F13A1: variants seen among roughly 807,000 people sequenced by gnomAD.
F13A1 encodes coagulation factor XIII A chain.
In F13A1, 47 loss-of-function variants were observed where a neutral mutation model predicts 80.1. The ratio of observed to expected loss-of-function variants is 0.59; its 90% CI spans 0.46 to 0.75. The LOEUF (loss-of-function observed/expected upper bound fraction) is 0.75, where lower values mean the gene tolerates loss of function less well. Among genes scored for constraint, F13A1 ranks in the 30% least tolerant of loss-of-function variants. The pLI, the probability that F13A1 is intolerant of heterozygous loss-of-function variation, is 0.00. For missense variants in F13A1, 817 were observed against 930.4 expected, an observed-to-expected ratio of 0.88 and a Z score of 1.59; for synonymous variants, 349 against 344.9, an observed-to-expected ratio of 1.01 and a Z score of -0.13.
intron 10 of F13A1, among the ~76,000 whole-genome samples, chr6:6,185,683 T>C (rs373915539): frequency 2.4e-4 from 36 of 152,132 alleles, no homozygotes; most frequent in South Asian, 1.2e-3. Context: ...AATAAACATA[T>C]GTGTGCATGT....
rs9392756 is a variant in F13A1, at chr6:6,201,548, C to T, written c.1113-4222G>A. Among the ~76,000 whole-genome samples, 5 of 152,318 alleles carry T rather than the reference C, an allele frequency of 3.3e-5. No individual in the cohort carries two copies. In the East Asian group the frequency reaches 7.7e-4, roughly 23 times the overall value. On this transcript the variant is annotated intron_variant, in intron 8 of 14. Transcript: ENST00000264870. ...CTTTCACCATGCAATCCTCTCTACT[C>T]AGGAATGACTAGGGGAATTGTGTCC... is the stretch of plus-strand genomic sequence containing the variant.
At chr6:6,271,883 C>G (rs151086917) in intron 3 of F13A1, among the ~76,000 whole-genome samples, 1,589 of 152,378 alleles carry the variant, frequency 0.01, 8 homozygotes, top group Middle Eastern at 0.031. Context: ...TCTCCTTACA[C>G]AGACCTACCT....
chr6:6,210,038 C>A (rs899499605), intron 8 of F13A1, among the ~76,000 whole-genome samples: 1 of 148,934 alleles, frequency 6.7e-6, no homozygotes, highest in East Asian at 2.0e-4. Context: ...GCAGCCTGGG[C>A]AACATAGTGA....
chr6:6,177,475 C>G (rs561452171), intron 11 of F13A1, among the ~76,000 whole-genome samples: 47 of 152,314 alleles, frequency 3.1e-4, no homozygotes, highest in African/African-American at 1.1e-3. Context: ...CTCTGCATCC[C>G]CAGGCCCTGA....
chr6:6,225,360 ATGT>A lies in F13A1; in HGVS notation c.799-503_799-501del, dbSNP rs555571507. Among the ~76,000 whole-genome samples the A allele has an allele frequency of 1.2e-4, 18 of 152,276 alleles. No individual in the cohort carries two copies. In the South Asian group the frequency reaches 3.1e-3, roughly 26 times the overall value. ...TCTACCGACTTGAAAAAGTTAACAGATGTTGTCATTTTGAGTGGTAGACTCTAA... is the reference window on the plus strand; with the variant it reads ...TCTACCGACTTGAAAAAGTTAACAGATGTCATTTTGAGTGGTAGACTCTAA... On this transcript the variant is annotated intron_variant, in intron 6 of 14. Transcript: ENST00000264870.
chr6:6,171,815 G>A (rs1034890193), intron 12 of F13A1, among the ~76,000 whole-genome samples: 1 of 152,188 alleles, frequency 6.6e-6, no homozygotes, highest in Admixed American at 6.5e-5. Flanking sequence ...GCTCCTTCCT[G>A]CTCATTGAAC....
rs144244299 is a variant in F13A1, at chr6:6,163,583, C to T, written c.1908+3875G>A. On this transcript the variant is annotated intron_variant, in intron 13 of 14. Transcript: ENST00000264870. ...TTTAGCTCCCACTTATAAGTGAGAA[C>T]GTGCAGTATTCGGTTTTCTCTTCCT... is the stretch of plus-strand genomic sequence containing the variant. Among the ~76,000 whole-genome samples the T allele has an allele frequency of 9.2e-3, 1,404 of 152,264 alleles. 14 individuals carry two copies. The highest frequency in any genetic ancestry group is 0.038 in the South Asian group (183 of 4,818).
chr6:6,255,646 A>G (rs1234164450), intron 4 of F13A1, among the ~76,000 whole-genome samples: 1 of 152,128 alleles, frequency 6.6e-6, no homozygotes, highest in African/African-American at 2.4e-5. Context: ...TTGCGTTAGT[A>G]TTGATGGGAA....
intron 10 of F13A1, among the ~76,000 whole-genome samples, chr6:6,195,525 T>C (rs1172081100): frequency 6.6e-6 from 1 of 152,226 alleles, no homozygotes; most frequent in Admixed American, 6.5e-5. Flanking sequence ...GAGCAGTTGA[T>C]ACTTAATGGG....
At chr6:6,278,060 G>A (rs966395567) in intron 3 of F13A1, among the ~76,000 whole-genome samples, 5 of 152,172 alleles carry the variant, frequency 3.3e-5, no homozygotes, top group African/African-American at 9.7e-5. Context: ...CAAATGTATA[G>A]ATTTGTGATT....
chr6:6,160,014 C>T (rs1191328991), intron 13 of F13A1, among the ~76,000 whole-genome samples: 3 of 151,834 alleles, frequency 2.0e-5, no homozygotes, highest in Admixed American at 6.6e-5. Flanking sequence ...CAGTGGCTCA[C>T]GCCTGTAATC....
chr6:6,182,373 T>C (rs1170271257), intron 10 of F13A1, among the ~76,000 whole-genome samples: 1 of 152,178 alleles, frequency 6.6e-6, no homozygotes, highest in African/African-American at 2.4e-5. Context: ...GATAATAAAC[T>C]GTCTAAGAAG....
intron 3 of F13A1, among the ~76,000 whole-genome samples, chr6:6,301,563 T>C (rs1758432030): frequency 6.6e-6 from 1 of 152,232 alleles, no homozygotes; most frequent in South Asian, 2.1e-4. Context: ...TTTAAAAATA[T>C]ACAGATTTTA....
At chr6:6,196,650 T>A (rs1055210368) in intron 9 of F13A1, among the ~76,000 whole-genome samples, 2 of 152,180 alleles carry the variant, frequency 1.3e-5, no homozygotes, top group African/African-American at 4.8e-5. Context: ...CTTTATATTA[T>A]CATATTAAAG....
chr6:6,173,265 C>T (rs1760807941), intron 12 of F13A1, among the ~76,000 whole-genome samples: 1 of 152,074 alleles, frequency 6.6e-6, no homozygotes, highest in Non-Finnish European at 1.5e-5. Context: ...TTAAAATATT[C>T]TGAGTTTTTA....
At chr6:6,293,314 T>A (rs1758250680) in intron 3 of F13A1, among the ~76,000 whole-genome samples, 1 of 152,074 alleles carries the variant, frequency 6.6e-6, no homozygotes, top group Non-Finnish European at 1.5e-5. Flanking sequence ...GGGGCCCATG[T>A]CAAAGTAACA....
At chr6:6,239,720 GA>G (rs35000972) in intron 6 of F13A1, among the ~76,000 whole-genome samples, 1 of 145,018 alleles carries the variant, frequency 6.9e-6, no homozygotes, top group East Asian at 1.9e-4. Flanking sequence ...GACTGAGAGA[GA>G]AAACTGAGAT....
chr6:6,312,155 A>AAGAC (rs1758611962), intron 2 of F13A1, among the ~76,000 whole-genome samples: 1 of 150,788 alleles, frequency 6.6e-6, no homozygotes. Flanking sequence ...GATAGTATCA[A>AAGAC]TTGTTTTAAA....
In F13A1 at chr6:6,298,972, T is replaced by C. The variant is rs923395920; in HGVS notation, c.319+6379A>G. 7.4e-5 allele frequency among the ~76,000 whole-genome samples: 11 copies of C among 148,402 alleles called. 1 individual carries two copies. Among genetic ancestry groups the C allele is most frequent in the African/African-American group, 2.9e-4 (11 of 38,206 alleles). On this transcript the variant is annotated intron_variant, in intron 3 of 14. Transcript: ENST00000264870. ...GTGACAAAATCTCTTAGCATTTGCTTGTCTGTAACGTATTTTATTTCTCCT... is the reference window on the plus strand; with the variant it reads ...GTGACAAAATCTCTTAGCATTTGCTCGTCTGTAACGTATTTTATTTCTCCT...
Sources: gnomAD v4.1 joint callset for allele counts (sites outside exome capture counted in the v4.1 genomes callset) on GRCh38, gnomAD v4.1.1 for gene constraint, MANE v1.5 for transcripts, NCBI Gene and HGNC (gene_info 2026-07-23, HGNC 2026-07-21) for gene names.